The following GRID2 variants were observed in gnomAD, a reference collection of about 807,000 sequenced individuals.
GRID2 encodes glutamate ionotropic receptor delta type subunit 2.
GRID2 carries 33 observed loss-of-function variants against 114.8 expected under a neutral mutation model. The ratio of observed to expected loss-of-function variants is 0.29; its 90% CI spans 0.22 to 0.38. The LOEUF (loss-of-function observed/expected upper bound fraction) is 0.38. Among genes scored for constraint, GRID2 ranks in the 10% least tolerant of loss-of-function variants. The pLI, the probability that GRID2 is intolerant of heterozygous loss-of-function variation, is 1.00. For missense variants in GRID2, 1,184 were observed against 1,257.7 expected, an observed-to-expected ratio of 0.94 and a Z score of 0.89; for synonymous variants, 505 against 449.9, an observed-to-expected ratio of 1.12 and a Z score of -1.55.
chr4:92,760,854 GA>G (rs1290835491), intron 2 of GRID2, among the ~76,000 whole-genome samples: 1 of 152,120 alleles, frequency 6.6e-6, no homozygotes, highest in Non-Finnish European at 1.5e-5. Flanking sequence ...AGATAGCTAT[GA>G]ATACACTTCA....
At chr4:93,726,861 C>T (rs1214691224) in intron 14 of GRID2, among the ~76,000 whole-genome samples, 6 of 152,144 alleles carry the variant, frequency 3.9e-5, no homozygotes, top group Non-Finnish European at 7.3e-5. Flanking sequence ...GCTGAAATTG[C>T]TTATCAGCTT....
intron 2 of GRID2, among the ~76,000 whole-genome samples, chr4:92,695,159 T>A (rs1734365555): frequency 6.6e-6 from 1 of 151,940 alleles, no homozygotes; most frequent in African/African-American, 2.4e-5. Flanking sequence ...AGAGACAGGG[T>A]TTCACTATAT....
intron 2 of GRID2, among the ~76,000 whole-genome samples, chr4:93,053,728 G>A (rs1214699078): frequency 6.6e-6 from 1 of 151,898 alleles, no homozygotes; most frequent in Non-Finnish European, 1.5e-5. Context: ...AATTTAATCT[G>A]CTATAGCACA....
At chr4:93,214,094 G>T (rs768786334) in intron 5 of GRID2, among the ~76,000 whole-genome samples, 20 of 151,852 alleles carry the variant, frequency 1.3e-4, no homozygotes, top group Non-Finnish European at 2.9e-4. Context: ...TATAATTTGG[G>T]TTCTTTAAAT....
intron 8 of GRID2, among the ~76,000 whole-genome samples, chr4:93,290,212 TA>T (rs1480702435): frequency 6.6e-6 from 1 of 152,182 alleles, no homozygotes; most frequent in Non-Finnish European, 1.5e-5. Flanking sequence ...TCAATGTAGC[TA>T]AAGGACTGAT....
intron 8 of GRID2, among the ~76,000 whole-genome samples, chr4:93,324,749 C>T (rs1757639862): frequency 6.6e-6 from 1 of 152,018 alleles, no homozygotes; most frequent in Non-Finnish European, 1.5e-5. Flanking sequence ...TCAACTTCTT[C>T]CTGGTTTAGT....
intron 8 of GRID2, among the ~76,000 whole-genome samples, chr4:93,326,527 A>G (rs1330028426): frequency 6.6e-6 from 1 of 152,098 alleles, no homozygotes; most frequent in Non-Finnish European, 1.5e-5. Context: ...ATAGAAGGAG[A>G]GTAAACTTCT....
intron 14 of GRID2, among the ~76,000 whole-genome samples, chr4:93,711,113 CCTT>C (rs1415597932): frequency 6.6e-6 from 1 of 151,926 alleles, no homozygotes; most frequent in East Asian, 1.9e-4. Flanking sequence ...CCTTTATACT[CCTT>C]CTTCCTTTTT....
intron 2 of GRID2, among the ~76,000 whole-genome samples, chr4:92,963,492 C>G (rs999638087): frequency 6.6e-6 from 1 of 151,862 alleles, no homozygotes. Flanking sequence ...TAAGAAGCAA[C>G]TCCTCATTAT....
At chr4:93,780,484 G>A (rs576578370) in intron 1 of GRID2, among the ~76,000 whole-genome samples, 2 of 152,334 alleles carry the variant, frequency 1.3e-5, no homozygotes, top group East Asian at 3.9e-4. Context: ...TTCTGCATGG[G>A]TTGGGAAACC....
At chr4:93,679,454 C>T (rs998802587) in intron 14 of GRID2, among the ~76,000 whole-genome samples, 10 of 150,950 alleles carry the variant, frequency 6.6e-5, no homozygotes, top group African/African-American at 2.5e-4. Flanking sequence ...GAACTCTCCA[C>T]CCCAAATCAA....
At chr4:92,902,315 C>T (rs186437982) in intron 2 of GRID2, among the ~76,000 whole-genome samples, 176 of 152,030 alleles carry the variant, frequency 1.2e-3, no homozygotes, top group Admixed American at 3.3e-3. Flanking sequence ...CTGATTGTGT[C>T]TATTTGAATC....
chr4:92,941,852 G>T (rs887725169), intron 2 of GRID2, among the ~76,000 whole-genome samples: 14 of 152,144 alleles, frequency 9.2e-5, no homozygotes, highest in Admixed American at 5.2e-4. Flanking sequence ...GGAGCAGGTT[G>T]CTCAATTTCC....
chr4:92,357,968 C>A lies in GRID2; in HGVS notation c.88+53224C>A, dbSNP rs528375314. On this transcript the variant is annotated intron_variant, in intron 1 of 15. Coordinates refer to ENST00000282020, the MANE Select transcript of GRID2 (RefSeq NM_001510.4). ...GACAAAGTATTAGATGAAGGAAAATCTGATGTGATTAGAAATATTTCAGTG... is the reference window on the plus strand; with the variant it reads ...GACAAAGTATTAGATGAAGGAAAATATGATGTGATTAGAAATATTTCAGTG... Among the ~76,000 whole-genome samples the A allele has an allele frequency of 3.3e-5, 5 of 151,962 alleles. No individual in the cohort carries two copies. In the South Asian group the frequency reaches 1.0e-3, roughly 32 times the overall value.
intron 8 of GRID2, among the ~76,000 whole-genome samples, chr4:93,292,530 A>C (rs1423314257): frequency 6.6e-6 from 1 of 152,206 alleles, no homozygotes; most frequent in East Asian, 1.9e-4. Context: ...CTGAAGTTAC[A>C]ACAAAGCTGG....
At chr4:92,925,937 A>G (rs1173684053) in intron 2 of GRID2, among the ~76,000 whole-genome samples, 1 of 151,974 alleles carries the variant, frequency 6.6e-6, no homozygotes, top group Non-Finnish European at 1.5e-5. Flanking sequence ...AAAAGTTCCC[A>G]TCATTTGTGT....
At chr4:92,798,348 TA>T (rs1560598575) in intron 2 of GRID2, among the ~76,000 whole-genome samples, 9 of 152,000 alleles carry the variant, frequency 5.9e-5, no homozygotes. Context: ...TCAAGAATAC[TA>T]AAAAAAGTGA....
chr4:93,039,761 C>T (rs1239848027), intron 2 of GRID2, among the ~76,000 whole-genome samples: 1 of 152,070 alleles, frequency 6.6e-6, no homozygotes, highest in Non-Finnish European at 1.5e-5. Flanking sequence ...AACCTTGGTC[C>T]TTGGGCATGT....
At chr4:92,365,202 C>A (rs1728796724) in intron 1 of GRID2, among the ~76,000 whole-genome samples, 1 of 152,010 alleles carries the variant, frequency 6.6e-6, no homozygotes, top group African/African-American at 2.4e-5. Context: ...TAGCATTATT[C>A]ATAATGGCCA....
Sources: gnomAD v4.1 joint callset for allele counts (sites outside exome capture counted in the v4.1 genomes callset) on GRCh38, gnomAD v4.1.1 for gene constraint, MANE v1.5 for transcripts, NCBI Gene and HGNC (gene_info 2026-07-23, HGNC 2026-07-21) for gene names.